ANO10: variants seen among roughly 807,000 people sequenced by gnomAD.
The protein encoded by ANO10 is anoctamin-10.
In ANO10, 77 loss-of-function variants were observed where a neutral mutation model predicts 74.7. The observed-to-expected ratio is 1.03, with a 90% CI of 0.86 to 1.25. The LOEUF (loss-of-function observed/expected upper bound fraction) is 1.25. ANO10 is among the 50% of genes most tolerant of loss of function. The probability of loss-of-function intolerance (pLI) is 0.00; values close to 1 mark genes in which losing one functional copy is unlikely to be tolerated. For missense variants in ANO10, 721 were observed against 778.1 expected (o/e 0.93, Z 0.87); for synonymous variants, 279 against 284.9 (o/e 0.98, Z 0.21).
At chr3:43,676,186 A>G (rs1218026530) in intron 1 of ANO10, among the ~76,000 whole-genome samples, 1 of 152,144 alleles carries the variant, frequency 6.6e-6, no homozygotes, top group Non-Finnish European at 1.5e-5. Context: ...TAGGCCAAGT[A>G]TGGTGGCTCA....
At chr3:43,568,184 C>T (rs2080479553) in intron 7 of ANO10, among the ~76,000 whole-genome samples, 1 of 152,114 alleles carries the variant, frequency 6.6e-6, no homozygotes, top group South Asian at 2.1e-4. Flanking sequence ...ATTCATAAAG[C>T]AAATCCTTAG....
chr3:43,422,142 A>G (rs1375644661), intron 12 of ANO10, among the ~76,000 whole-genome samples: 1 of 152,140 alleles, frequency 6.6e-6, no homozygotes, highest in East Asian at 1.9e-4. Flanking sequence ...TTTGAGATGG[A>G]GTCTCGCTCT....
intron 11 of ANO10, among the ~76,000 whole-genome samples, chr3:43,511,827 G>C (rs1379348484): frequency 6.6e-6 from 1 of 152,196 alleles, no homozygotes; most frequent in African/African-American, 2.4e-5. Context: ...TGTGGGGTAA[G>C]AGTGTAGATT....
At chr3:43,458,365 G>A (rs1351833388) in intron 11 of ANO10, among the ~76,000 whole-genome samples, 1 of 152,224 alleles carries the variant, frequency 6.6e-6, no homozygotes, top group African/African-American at 2.4e-5. Flanking sequence ...CAGGATACCT[G>A]TTTTTTCCTT....
At position 43,571,241 on chromosome 3, in the gene ANO10, T is replaced by C. The variant is rs868475176; in HGVS notation, c.1218+3568A>G. On this transcript the variant is annotated intron_variant, in intron 7 of 12. Coordinates refer to ENST00000292246, the MANE Select transcript of ANO10 (RefSeq NM_018075.5). The stretch of plus-strand genomic sequence containing the variant: ...AACACTTTTACACTGTTGGTGGGAC[T>C]GTAAACTAGTTCAACCATTGTGGAA... 3.4e-3 allele frequency among the ~76,000 whole-genome samples: 523 copies of C among 152,158 alleles called. 4 individuals carry two copies. Among genetic ancestry groups the C allele is most frequent in the African/African-American group, 0.012 (496 of 41,488 alleles).
At chr3:43,457,286 A>T (rs1388083152) in intron 11 of ANO10, among the ~76,000 whole-genome samples, 1 of 152,244 alleles carries the variant, frequency 6.6e-6, no homozygotes, top group Non-Finnish European at 1.5e-5. Context: ...TGCTTGTATT[A>T]GTCCATTTTC....
At chr3:43,479,083 CT>C (rs2076175368) in intron 11 of ANO10, among the ~76,000 whole-genome samples, 2 of 152,266 alleles carry the variant, frequency 1.3e-5, no homozygotes, top group Admixed American at 1.3e-4. Context: ...CTACCTTTTC[CT>C]TTTCACTCGT....
chr3:43,497,080 A>G (rs1324861902), intron 11 of ANO10, among the ~76,000 whole-genome samples: 2 of 152,206 alleles, frequency 1.3e-5, no homozygotes, highest in East Asian at 3.9e-4. Context: ...TGGGATGAAG[A>G]GTACATATGT....
intron 11 of ANO10, among the ~76,000 whole-genome samples, chr3:43,432,944 CTTTTTTT>C (rs5848663): frequency 0.013 from 734 of 55,230 alleles, 1 homozygote; most frequent in Non-Finnish European, 0.018. Flanking sequence ...TTGCTTAATT[CTTTTTTT>C]TTTTTTTTTT....
At chr3:43,650,300 G>T (rs947722665) in intron 1 of ANO10, among the ~76,000 whole-genome samples, 8 of 152,186 alleles carry the variant, frequency 5.3e-5, no homozygotes, top group African/African-American at 1.9e-4. Flanking sequence ...ACTCCTCCCA[G>T]TGTTCCTTCT....
chr3:43,530,473 T>C (rs2078412206), intron 11 of ANO10, among the ~76,000 whole-genome samples: 1 of 149,660 alleles, frequency 6.7e-6, no homozygotes, highest in Non-Finnish European at 1.5e-5. Context: ...ACTATAAAGG[T>C]TTTCTATATA....
intron 11 of ANO10, among the ~76,000 whole-genome samples, chr3:43,474,055 G>A (rs1010624106): frequency 5.3e-5 from 8 of 152,198 alleles, no homozygotes; most frequent in Admixed American, 6.5e-5. Context: ...GTGTGCAACT[G>A]AGAGAAAGTG....
chr3:43,470,643 T>TA (rs1385392173), intron 11 of ANO10, among the ~76,000 whole-genome samples: 1,803 of 151,774 alleles, frequency 0.012, 17 homozygotes, highest in Non-Finnish European at 0.02. Flanking sequence ...TTTATTTATT[T>TA]TGAGGCAGAG....
intron 11 of ANO10, among the ~76,000 whole-genome samples, chr3:43,443,229 G>C (rs931242323): frequency 6.6e-6 from 1 of 152,228 alleles, no homozygotes; most frequent in African/African-American, 2.4e-5. Context: ...GACTTTCCAA[G>C]ATCAGTCGAG....
chr3:43,684,437 G>A (rs2084246185), intron 1 of ANO10, among the ~76,000 whole-genome samples: 1 of 152,208 alleles, frequency 6.6e-6, no homozygotes, highest in Admixed American at 6.5e-5. Context: ...AACAACAGGT[G>A]CTAGAGAGGA....
chr3:43,540,569 C>T lies in ANO10; in HGVS notation c.1797+9151G>A, dbSNP rs1406394101. On this transcript the variant is annotated intron_variant, in intron 11 of 12. Coordinates refer to ENST00000292246, the MANE Select transcript of ANO10 (RefSeq NM_018075.5). Reference sequence around the variant, plus strand: ...ACACACTTTTCATCATTCTCCATTCCATTTCATTAAATTATGCCAATTACA... The same window carrying T: ...ACACACTTTTCATCATTCTCCATTCTATTTCATTAAATTATGCCAATTACA... Among the ~76,000 whole-genome samples the T allele has an allele frequency of 1.3e-5, 2 of 152,168 alleles. 1 individual carries two copies. The highest frequency in any genetic ancestry group is 2.9e-5 in the Non-Finnish European group (2 of 68,036).
At chr3:43,381,813 C>T (rs767661986) in intron 12 of ANO10, among the ~76,000 whole-genome samples, 2 of 152,128 alleles carry the variant, frequency 1.3e-5, no homozygotes, top group African/African-American at 2.4e-5. Flanking sequence ...GACCATACAA[C>T]GGGCCACAAA....
rs561257996 is a variant in ANO10 at position 43,656,603 on chromosome 3, C to T, written c.-12+34914G>A. ...AGGCAGCTAAGGCCTGGTGAGAAAT[C>T]GAGCACAGAGCCGGTGGGCTAGCAC... On this transcript the variant is annotated intron_variant, in intron 1 of 3. Transcript: ENST00000413397. 2.6e-4 allele frequency among the ~76,000 whole-genome samples: 40 copies of T among 152,358 alleles called. No individual in the cohort carries two copies. In the South Asian group the frequency reaches 3.9e-3, roughly 15 times the overall value.
At chr3:43,688,703 G>T (rs1392895644) in intron 1 of ANO10, among the ~76,000 whole-genome samples, 2 of 152,116 alleles carry the variant, frequency 1.3e-5, no homozygotes, top group African/African-American at 4.8e-5. Context: ...AATTAGCTGG[G>T]CGTGGTGGCG....
Sources: allele counts gnomAD v4.1 joint callset (sites outside exome capture counted in the v4.1 genomes callset), GRCh38; gene constraint gnomAD v4.1.1; transcripts MANE v1.5; gene names NCBI Gene and HGNC (gene_info 2026-07-23, HGNC 2026-07-21).